ZNF83: variants seen among roughly 807,000 people sequenced by gnomAD.
The protein encoded by ZNF83 is zinc finger protein 83.
For synonymous variants in ZNF83, 209 were observed against 213.0 expected, an observed-to-expected ratio of 0.98 and a Z score of 0.17; for missense variants, 552 against 629.9, an observed-to-expected ratio of 0.88 and a Z score of 1.32.
At chr19:52,649,356 G>A (rs572732334) in intron 3 of ZNF83, among the ~76,000 whole-genome samples, 4 of 152,056 alleles carry the variant, frequency 2.6e-5, no homozygotes, top group African/African-American at 7.2e-5. Flanking sequence ...TGTATGAGCC[G>A]GTATGACACA....
At position 52,653,376 on chromosome 19, in the gene ZNF83, C is replaced by T. The variant is rs1410813075; in HGVS notation, c.-74+2185G>A. On this transcript the variant is annotated intron_variant, in intron 3 of 5. Transcript: ENST00000594682. Reference sequence around the variant, plus strand: ...CAAGGTATGAATCACGCTGGAAAACCTTGCCACATTCATTACATGTGTAAG... The same window carrying T: ...CAAGGTATGAATCACGCTGGAAAACTTTGCCACATTCATTACATGTGTAAG... The T allele has an allele frequency of 4.6e-6, 5 of 1,078,134 alleles. No homozygotes were observed. The Admixed American group carries it at 8.9e-5, about 19-fold the overall frequency. The allele number at this position is 1,078,134 out of a possible 1,614,324, so 66.8% of individuals were successfully genotyped here. A position where few individuals can be genotyped will look rare whatever the true frequency, so the allele number is the denominator to read the frequency against.
At chr19:52,620,254 C>CTGTGTGTGTATATCTCTGTGTGTGTGTG in intron 2 of ZNF83, among the ~76,000 whole-genome samples, 1 of 134,444 alleles carries the variant, frequency 7.4e-6, no homozygotes, top group South Asian at 2.5e-4. Context: ...GTGTGTATAT[C>CTGTGTGTGTATATCTCTGTGTGTGTGTG]TGTGTGTGTA....
chr19:52,681,215 G>A (rs1600273347), intron 1 of ZNF83, among the ~76,000 whole-genome samples: 2 of 144,358 alleles, frequency 1.4e-5, no homozygotes, highest in South Asian at 2.3e-4. Context: ...CCCAGGAGAC[G>A]GAGGCTGCAG....
intron 1 of ZNF83, among the ~76,000 whole-genome samples, chr19:52,688,950 GAAAAAAA>G (rs56247444): frequency 4.7e-5 from 6 of 126,784 alleles, no homozygotes; most frequent in Non-Finnish European, 6.6e-5. Flanking sequence ...AAGGTTGAAG[GAAAAAAA>G]AAAAAAAAAA....
At position 52,664,129 on chromosome 19, in the gene ZNF83, C is replaced by G. The variant is rs555560780; in HGVS notation, c.-282-3286G>C. 3.5e-4 allele frequency among the ~76,000 whole-genome samples: 53 copies of G among 152,182 alleles called. 1 individual carries two copies. Among genetic ancestry groups the G allele is most frequent in the African/African-American group, 1.0e-3 (42 of 41,522 alleles). On this transcript the variant is annotated intron_variant, in intron 1 of 5. Coordinates refer to the ZNF83 transcript ENST00000594682. ...GAACTCCTGAAATTAGGTGATCCAC[C>G]AGCCTTGGCCTCCAAACTGCTGGGA...
intron 1 of ZNF83, among the ~76,000 whole-genome samples, chr19:52,668,320 C>G (rs1195628884): frequency 6.6e-6 from 1 of 152,200 alleles, no homozygotes; most frequent in African/African-American, 2.4e-5. Flanking sequence ...CCATTATCAT[C>G]AGAATCATGG....
At chr19:52,677,467 C>T (rs2061835701) in intron 1 of ZNF83, among the ~76,000 whole-genome samples, 1 of 151,794 alleles carries the variant, frequency 6.6e-6, no homozygotes, top group Admixed American at 6.6e-5. Context: ...GCATGGGTGA[C>T]AGAGTGAGAC....
At chr19:52,628,433 C>A (rs1273805454) in intron 2 of ZNF83, among the ~76,000 whole-genome samples, 1 of 152,198 alleles carries the variant, frequency 6.6e-6, no homozygotes, top group African/African-American at 2.4e-5. Flanking sequence ...TCAATCTCTC[C>A]TTTCTCTTAA....
At chr19:52,631,710 T>G (rs376380113) in intron 2 of ZNF83, among the ~76,000 whole-genome samples, 1 of 152,154 alleles carries the variant, frequency 6.6e-6, no homozygotes, top group Non-Finnish European at 1.5e-5. Flanking sequence ...CATTTCCCCA[T>G]ATTTCCTTCT....
chr19:52,676,617 T>C (rs1248738899), intron 1 of ZNF83, among the ~76,000 whole-genome samples: 1 of 150,046 alleles, frequency 6.7e-6, no homozygotes, highest in Non-Finnish European at 1.5e-5. Context: ...CCACCCCGTC[T>C]GGGAGGTGTG....
chr19:52,665,747 G>C (rs1426486363), intron 1 of ZNF83, among the ~76,000 whole-genome samples: 1 of 152,138 alleles, frequency 6.6e-6, no homozygotes, highest in African/African-American at 2.4e-5. Context: ...AATCCTAGCC[G>C]ATAGGGGAAT....
intron 1 of ZNF83, chr19:52,636,203 T>G (rs2061142018): frequency 6.6e-6 from 1 of 151,752 alleles, no homozygotes; most frequent in Non-Finnish European, 1.5e-5. Flanking sequence ...TGGTCCCAGC[T>G]ACTTAGGAAG....
intron 1 of ZNF83, among the ~76,000 whole-genome samples, chr19:52,688,377 T>C (rs2062083726): frequency 6.6e-6 from 1 of 151,650 alleles, no homozygotes; most frequent in Non-Finnish European, 1.5e-5. Flanking sequence ...TCTCACTATG[T>C]TGTGCAGGCT....
intron 2 of ZNF83, among the ~76,000 whole-genome samples, chr19:52,634,365 A>G (rs2061075013): frequency 6.6e-6 from 1 of 152,048 alleles, no homozygotes. Context: ...CATAGTTGAG[A>G]AAAATAGTAA....
Position 52,621,351 on chromosome 19 carries a change from C to T in ZNF83, c.-233-6554G>A, listed in dbSNP as rs138376671. ...TTCAATCTCTCCCTTCCCTTAATTT[C>T]AGTTCCTTTCCTTTTCTGGTAGAGA... On this transcript the variant is annotated intron_variant, in intron 2 of 2. Coordinates refer to ENST00000301096, the Ensembl canonical transcript of ZNF83. Among the ~76,000 whole-genome samples the T allele has an allele frequency of 8.5e-3, 1,286 of 152,074 alleles. 15 individuals carry two copies. Among genetic ancestry groups the T allele is most frequent in the African/African-American group, 0.029 (1,196 of 41,416 alleles).
intron 1 of ZNF83, among the ~76,000 whole-genome samples, chr19:52,672,972 G>A (rs190494734): frequency 1.2e-4 from 18 of 151,320 alleles, no homozygotes; most frequent in African/African-American, 4.2e-4. Flanking sequence ...ACAACAGAAT[G>A]ACTGTAGTCA....
intron 3 of ZNF83, among the ~76,000 whole-genome samples, chr19:52,650,251 ACTTTT>A (rs1175310096): frequency 9.9e-6 from 1 of 100,600 alleles, no homozygotes; most frequent in Non-Finnish European, 1.9e-5. Context: ...TGAGCTTGTT[ACTTTT>A]CTTTCTTTTT....
intron 2 of ZNF83, chr19:52,619,142 C>T (rs2060436344): frequency 6.2e-7 from 1 of 1,611,678 alleles, no homozygotes; most frequent in Non-Finnish European, 8.5e-7. Context: ...GCGGTGACAA[C>T]AAGGATTTAA....
intron 1 of ZNF83, among the ~76,000 whole-genome samples, chr19:52,689,087 C>T (rs1275746520): frequency 6.6e-6 from 1 of 152,100 alleles, no homozygotes; most frequent in Admixed American, 6.6e-5. Flanking sequence ...TACAAGGCCA[C>T]CGGCAACCCA....
Sources: gnomAD v4.1 joint callset for allele counts (sites outside exome capture counted in the v4.1 genomes callset) on GRCh38, gnomAD v4.1.1 for gene constraint, MANE v1.5 for transcripts, NCBI Gene and HGNC (gene_info 2026-07-23, HGNC 2026-07-21) for gene names.